KCTD15: variants seen among roughly 807,000 people sequenced by gnomAD.
The protein encoded by KCTD15 is potassium channel tetramerization domain containing 15, also known as BTB/POZ domain-containing protein KCTD15.
In KCTD15, 11 loss-of-function variants were observed where a neutral mutation model predicts 27.2. The ratio of observed to expected loss-of-function variants is 0.41; its 90% CI spans 0.25 to 0.67. The LOEUF is 0.67. Ranked by LOEUF, KCTD15 falls within the 30% of genes least tolerant of loss-of-function variation. KCTD15 has a pLI of 0.35. For missense variants in KCTD15, 350 were observed against 409.3 expected (o/e 0.86, Z 1.25); for synonymous variants, 163 against 176.0 (o/e 0.93, Z 0.58).
In KCTD15 at chr19:33,811,626, G is replaced by A. The variant is rs1259734914; in HGVS notation, c.693+74G>A. The A allele has an allele frequency of 2.6e-6, 4 of 1,542,420 alleles. No individual in the cohort carries two copies. In the East Asian group the frequency reaches 6.8e-5, roughly 26 times the overall value. On this transcript the variant is annotated intron_variant, in intron 6 of 6. Coordinates refer to ENST00000683859, the MANE Select transcript of KCTD15 (RefSeq NM_001129994.2). ...GAGCCCTCCAGGGGCAGAGTGAGCT[G>A]GAGGGAGGCGCGATCCCTGAAACGG... is the stretch of plus-strand genomic sequence containing the variant.
chr19:33,798,377 C>A (rs1975423357), intron 1 of KCTD15: 1 of 152,246 alleles, frequency 6.6e-6, no homozygotes, highest in East Asian at 1.9e-4. Flanking sequence ...CGCAATGGGA[C>A]ACAAAATCAT....
chr19:33,812,974 C>T lies in KCTD15; in HGVS notation c.*26C>T. ...GCCCTGCTTCAGTGCCCACCTGGGC[C>T]CCCCCAGGGACCTGGAAACAGTGCT... On this transcript the variant is annotated 3_prime_UTR_variant, in exon 7 of 7. Coordinates refer to ENST00000683859, the MANE Select transcript of KCTD15 (RefSeq NM_001129994.2). 2.0e-6 allele frequency: 3 copies of T among 1,522,962 alleles called. No homozygotes were observed. The highest frequency in any genetic ancestry group is 2.8e-5 in the African/African-American group (2 of 72,648). The allele number at this position is 1,522,962 out of a possible 1,614,324, so 94.3% of individuals were successfully genotyped here.
intron 5 of KCTD15, among the ~76,000 whole-genome samples, chr19:33,808,457 G>A (rs1214313330): frequency 6.6e-6 from 1 of 152,098 alleles, no homozygotes; most frequent in Non-Finnish European, 1.5e-5. Context: ...AGGTGTGAGG[G>A]CCTTGGTGCA....
chr19:33,803,259 G>A (rs549050119), intron 4 of KCTD15, among the ~76,000 whole-genome samples: 2 of 152,362 alleles, frequency 1.3e-5, no homozygotes, highest in Admixed American at 1.3e-4. Flanking sequence ...AGGAGGCCAG[G>A]GGGCCTGAGA....
intron 2 of KCTD15, among the ~76,000 whole-genome samples, chr19:33,799,064 G>T (rs544267699): frequency 6.6e-6 from 1 of 152,226 alleles, no homozygotes; most frequent in South Asian, 2.1e-4. Context: ...TGAGCTAAGT[G>T]ACCTGGTTTT....
At chr19:33,802,745 T>A (rs931845975) in intron 4 of KCTD15, among the ~76,000 whole-genome samples, 3 of 152,244 alleles carry the variant, frequency 2.0e-5, no homozygotes, top group African/African-American at 7.2e-5. Context: ...CTGCGGCATT[T>A]CTGAGTTGTT....
chr19:33,794,822 G>A (rs1255423828), upstream of KCTD15, among the ~76,000 whole-genome samples: 6 of 152,286 alleles, frequency 3.9e-5, no homozygotes, highest in African/African-American at 1.4e-4. Context: ...GGGCTTTGCT[G>A]TTCCTATGTC....
At chr19:33,796,414 C>G (rs1265362450), upstream of KCTD15, 2 of 150,230 alleles carry the variant, frequency 1.3e-5, no homozygotes, top group Non-Finnish European at 3.0e-5. Context: ...GGAAACGGCG[C>G]GTTTTTGTCG....
Position 33,806,995 on chromosome 19 carries a change from G to A in KCTD15, c.375G>A (p.Pro125=), listed in dbSNP as rs373520591. 1.1e-4 allele frequency: 177 copies of A among 1,613,860 alleles called. 1 individual carries two copies. The highest frequency in any genetic ancestry group is 6.6e-4 in the Middle Eastern group (4 of 6,036). The stretch of plus-strand genomic sequence containing the variant: ...TGCGGACGTCCAAGCTGCTGCTTCC[G>A]GATGACTTTAAGGTAAGTCCATGGC... The part of the protein sequence containing the change: ...SFLRTSKLLL[P]DDFKDFSLLY... Residue 125 remains proline (P), a synonymous_variant, in exon 5 of 7, where the codon CCG becomes CCA. Transcript: ENST00000683859.
At chr19:33,804,495 G>A (rs773170489) in intron 4 of KCTD15, among the ~76,000 whole-genome samples, 1 of 16,798 alleles carries the variant, frequency 6.0e-5, no homozygotes, top group East Asian at 2.0e-3. Context: ...TGGGAAGGGT[G>A]GGGAGAGTTC....
intron 5 of KCTD15, 70 bp from the exon 6 acceptor site, chr19:33,811,177 T>TGCCCCCCCCCC: frequency 1.3e-6 from 1 of 786,086 alleles, no homozygotes; most frequent in Non-Finnish European, 1.9e-6. Context: ...GCAGGCCGCC[T>TGCCCCCCCCCC]CCCCTCTCCC....
chr19:33,798,091 G>T (rs891371180), intron 1 of KCTD15, among the ~76,000 whole-genome samples: 46 of 151,294 alleles, frequency 3.0e-4, no homozygotes, highest in African/African-American at 9.2e-4. Flanking sequence ...GAGGCGGGAG[G>T]GGGGGGGTGG....
Position 33,811,272 on chromosome 19 carries a change from C to T in KCTD15, c.413C>T (p.Ala138Val), listed in dbSNP as rs1975899157. The T allele has an allele frequency of 6.6e-7, 1 of 1,503,958 alleles. No homozygotes were observed. Among genetic ancestry groups the T allele is most frequent in the Non-Finnish European group, 8.9e-7 (1 of 1,122,956 alleles). The allele number at this position is 1,503,958 out of a possible 1,614,324, so 93.2% of individuals were successfully genotyped here. ...FKDFSLLYEE[A>V]RYYQLQPMVR... ...GACTTCAGTCTGCTGTACGAGGAGG[C>T]GCGCTACTATCAGCTCCAGCCCATG... The change falls in exon 6 of 7, where the codon GCG (alanine) becomes GTG (valine). Residue 138 changes from alanine to valine, a missense_variant. Ala to Val is a moderately conservative substitution (Grantham distance 64). Coordinates refer to ENST00000683859, the MANE Select transcript of KCTD15 (RefSeq NM_001129994.2).
intron 4 of KCTD15, among the ~76,000 whole-genome samples, chr19:33,805,574 G>C (rs1975685507): frequency 6.6e-6 from 1 of 152,236 alleles, no homozygotes; most frequent in Non-Finnish European, 1.5e-5. Context: ...TGCAGGCCGG[G>C]CTGGGAAGCC....
rs1976064700 is a variant in KCTD15 at position 33,815,477 on chromosome 19, T to C, written c.*2529T>C. 2 of 152,188 alleles carry C rather than the reference T, an allele frequency of 1.3e-5. No homozygotes were observed. Among genetic ancestry groups the C allele is most frequent in the Non-Finnish European group, 2.9e-5 (2 of 68,038 alleles). The allele number at this position is 152,188 out of a possible 1,614,324, so 9.4% of individuals were successfully genotyped here. On this transcript the variant is annotated 3_prime_UTR_variant, in exon 7 of 7. Transcript: ENST00000683859. ...TTTTGTCAAATGCCAGCCGTATAAATGTTACTTCTGCTCTTTGTAAACCTC... is the reference window on the plus strand; with the variant it reads ...TTTTGTCAAATGCCAGCCGTATAAACGTTACTTCTGCTCTTTGTAAACCTC...
In KCTD15 at chr19:33,800,286, G is replaced by A. The variant is rs1042944353; in HGVS notation, c.-27-142G>A. The A allele has an allele frequency of 9.4e-5, 62 of 658,278 alleles. 1 individual carries two copies. Among genetic ancestry groups the A allele is most frequent in the Non-Finnish European group, 1.6e-4 (57 of 364,994 alleles). The allele number at this position is 658,278 out of a possible 1,614,324, so 40.8% of individuals were successfully genotyped here. A position where few individuals can be genotyped will look rare whatever the true frequency, so the allele number is the denominator to read the frequency against. On this transcript the variant is annotated intron_variant, in intron 2 of 6. Coordinates refer to ENST00000683859, the MANE Select transcript of KCTD15 (RefSeq NM_001129994.2). ...TGGAGACAGATAGAGAGATAGTGGC[G>A]GTGGAGTCAATCAGGGAGGGCTGCA...
rs1263612954 is a variant in KCTD15 at position 33,798,686 on chromosome 19, G to A, written c.-108G>A. On this transcript the variant is annotated 5_prime_UTR_variant, in exon 2 of 7. Coordinates refer to ENST00000683859, the MANE Select transcript of KCTD15 (RefSeq NM_001129994.2). ...ACTTAAGCAGTGGTCTCGGAAAGAG[G>A]GTCGTGGTCCCGCACGGATGCGCTT... 1 of 152,696 alleles carries A rather than the reference G, an allele frequency of 6.5e-6. No homozygotes were observed. The highest frequency in any genetic ancestry group is 1.5e-5 in the Non-Finnish European group (1 of 68,084). 9.5% of individuals were successfully genotyped at this position (152,696 alleles called of 1,614,324 possible).
rs888989220 is a variant in KCTD15, at chr19:33,814,252, G to A, written c.*1304G>A. On this transcript the variant is annotated 3_prime_UTR_variant, in exon 7 of 7. Transcript: ENST00000683859. ...GATGCTCTCAAGCAAAAGACTGGAGGCTCTGTCCTGTGCAGAAGCAGCAGC... is the reference window on the plus strand; with the variant it reads ...GATGCTCTCAAGCAAAAGACTGGAGACTCTGTCCTGTGCAGAAGCAGCAGC... 2 of 152,628 alleles carry A rather than the reference G, an allele frequency of 1.3e-5. No homozygotes were observed. Among genetic ancestry groups the A allele is most frequent in the African/African-American group, 2.4e-5 (1 of 41,442 alleles). The allele number at this position is 152,628 out of a possible 1,614,324, so 9.5% of individuals were successfully genotyped here. A position where few individuals can be genotyped will look rare whatever the true frequency, so the allele number is the denominator to read the frequency against.
intron 3 of KCTD15, among the ~76,000 whole-genome samples, chr19:33,800,869 T>C (rs1975514112): frequency 1.3e-5 from 2 of 152,194 alleles, no homozygotes; most frequent in African/African-American, 4.8e-5. Flanking sequence ...AATTAGAATT[T>C]TGCAGTTTGT....
Sources: allele counts gnomAD v4.1 joint callset (sites outside exome capture counted in the v4.1 genomes callset), GRCh38; gene constraint gnomAD v4.1.1; transcripts MANE v1.5; gene names NCBI Gene and HGNC (gene_info 2026-07-23, HGNC 2026-07-21).